The following CYRIB variants were observed in gnomAD, a reference collection of about 807,000 sequenced individuals.
CYRIB encodes the protein CYFIP related Rac1 interactor B, also known as CYFIP-related Rac1 interactor B.
In CYRIB, 8 loss-of-function variants were observed where a neutral mutation model predicts 44.2. That is an observed-to-expected ratio of 0.18 (90% CI 0.11 to 0.33). The LOEUF is 0.33. Among genes scored for constraint, CYRIB ranks in the 10% least tolerant of loss-of-function variants. The pLI is 1.00. For missense variants in CYRIB, 185 were observed against 382.8 expected, an observed-to-expected ratio of 0.48 and a Z score of 4.31; for synonymous variants, 131 against 127.2, an observed-to-expected ratio of 1.03 and a Z score of -0.20.
At chr8:129,883,293 C>G (rs1426444602) in intron 2 of CYRIB, among the ~76,000 whole-genome samples, 1 of 151,640 alleles carries the variant, frequency 6.6e-6, no homozygotes, top group African/African-American at 2.4e-5. Context: ...TAGCAGCTAC[C>G]CCCCATACAA....
At chr8:129,902,294 C>T (rs1041992989) in intron 2 of CYRIB, among the ~76,000 whole-genome samples, 5 of 152,222 alleles carry the variant, frequency 3.3e-5, no homozygotes, top group African/African-American at 1.2e-4. Context: ...TCTTGGCTCA[C>T]TGCAACCTCC....
upstream of CYRIB, among the ~76,000 whole-genome samples, chr8:129,940,178 G>A (rs2093571863): frequency 6.6e-6 from 1 of 152,206 alleles, no homozygotes; most frequent in African/African-American, 2.4e-5. Flanking sequence ...CCTGCCTCTT[G>A]TCAGCGGGCT....
intron 4 of CYRIB, among the ~76,000 whole-genome samples, chr8:129,869,442 G>A (rs1588026025): frequency 6.7e-6 from 1 of 149,248 alleles, no homozygotes; most frequent in East Asian, 2.0e-4. Context: ...TCTATAGCGA[G>A]TAAGATTTTT....
At chr8:129,959,243 G>A (rs556391283) in intron 2 of CYRIB, among the ~76,000 whole-genome samples, 3 of 145,426 alleles carry the variant, frequency 2.1e-5, no homozygotes, top group Non-Finnish European at 3.0e-5. Flanking sequence ...AGAGGAAGTA[G>A]TGTAGCAGCC....
intron 1 of CYRIB, among the ~76,000 whole-genome samples, chr8:129,997,222 G>A (rs545692401): frequency 1.1e-4 from 17 of 152,124 alleles, no homozygotes; most frequent in Admixed American, 2.6e-4. Flanking sequence ...TCTATTGGGG[G>A]CGAGGAGACA....
intron 1 of CYRIB, among the ~76,000 whole-genome samples, chr8:129,926,003 T>G (rs764857469): frequency 2.6e-5 from 4 of 152,264 alleles, no homozygotes; most frequent in Non-Finnish European, 5.9e-5. Flanking sequence ...CAACAACAGA[T>G]GGATACATAT....
upstream of CYRIB, among the ~76,000 whole-genome samples, chr8:129,942,065 G>T (rs377550836): frequency 7.9e-5 from 12 of 152,296 alleles, no homozygotes; most frequent in East Asian, 1.4e-3. Flanking sequence ...ACTGGACCAG[G>T]TGCAGTGGCT....
At chr8:129,871,281 G>GA in intron 4 of CYRIB, 94 bp downstream of exon 6, 1 of 1,381,308 alleles carries the variant, frequency 7.2e-7, no homozygotes, top group Non-Finnish European at 9.7e-7. Context: ...TACTTAATAT[G>GA]AAATATAGAA....
intron 1 of CYRIB, among the ~76,000 whole-genome samples, chr8:129,982,215 C>T (rs1383736325): frequency 6.6e-6 from 1 of 152,182 alleles, no homozygotes; most frequent in Non-Finnish European, 1.5e-5. Flanking sequence ...AACACCCAGC[C>T]CAGGCCCCAG....
chr8:129,962,583 G>A (rs2095310821), intron 2 of CYRIB, among the ~76,000 whole-genome samples: 1 of 152,070 alleles, frequency 6.6e-6, no homozygotes, highest in Admixed American at 6.6e-5. Context: ...TTTGGAAACA[G>A]CTATCATATG....
intron 11 of CYRIB, among the ~76,000 whole-genome samples, chr8:129,845,777 CT>C (rs1457121130): frequency 1.1e-4 from 17 of 152,174 alleles, no homozygotes; most frequent in Non-Finnish European, 2.4e-4. Flanking sequence ...GGGACATCAT[CT>C]TTTATGTCAT....
chr8:129,891,596 T>C (rs952023574), intron 2 of CYRIB, among the ~76,000 whole-genome samples: 3 of 152,230 alleles, frequency 2.0e-5, no homozygotes, highest in African/African-American at 7.2e-5. Flanking sequence ...TTAAGATCCA[T>C]ATATTTTAAT....
chr8:129,937,066 T>C (rs1387640065), intron 1 of CYRIB, among the ~76,000 whole-genome samples: 1 of 152,192 alleles, frequency 6.6e-6, no homozygotes, highest in Non-Finnish European at 1.5e-5. Context: ...AATCAACATC[T>C]TTATCAAAAT....
At chr8:129,864,330 T>A (rs2052076570) in intron 4 of CYRIB, 1 of 152,260 alleles carries the variant, frequency 6.6e-6, no homozygotes, top group South Asian at 2.1e-4. Flanking sequence ...CTTGATATGC[T>A]GATATAGATG....
intron 1 of CYRIB, among the ~76,000 whole-genome samples, chr8:130,008,660 A>G (rs2097157474): frequency 6.6e-6 from 1 of 152,200 alleles, no homozygotes; most frequent in Non-Finnish European, 1.5e-5. Flanking sequence ...TTATGAAGGC[A>G]TGTTTAGGAA....
At chr8:130,000,224 G>T (rs575048834) in intron 1 of CYRIB, among the ~76,000 whole-genome samples, 1 of 152,160 alleles carries the variant, frequency 6.6e-6, no homozygotes, top group South Asian at 2.1e-4. Context: ...AGAGAAAGGT[G>T]GGGTAAGGGA....
intron 2 of CYRIB, chr8:129,947,691 T>C (rs967491385): frequency 6.6e-6 from 1 of 152,228 alleles, no homozygotes; most frequent in African/African-American, 2.4e-5. Context: ...TAAACACCCA[T>C]GATCCAACCA....
chr8:129,864,800 T>C, intron 4 of CYRIB: 1 of 442,736 alleles, frequency 2.3e-6, no homozygotes, highest in Non-Finnish European at 4.4e-6. Context: ...GGCCGCGTCC[T>C]GAATTCTTAC....
At chr8:129,865,802 T>C (rs2053210891) in intron 4 of CYRIB, among the ~76,000 whole-genome samples, 1 of 152,196 alleles carries the variant, frequency 6.6e-6, no homozygotes, top group African/African-American at 2.4e-5. Flanking sequence ...ACCTTAACTT[T>C]TACAAACTAC....
Sources: gnomAD v4.1 joint callset for allele counts (sites outside exome capture counted in the v4.1 genomes callset) on GRCh38, gnomAD v4.1.1 for gene constraint, MANE v1.5 for transcripts, NCBI Gene and HGNC (gene_info 2026-07-23, HGNC 2026-07-21) for gene names.